Variants in ATG16L2 observed in about 807,000 individuals in gnomAD.
The protein encoded by ATG16L2 is autophagy related 16 like 2, also known as protein Atg16l2.
Under a neutral mutation model 84.7 loss-of-function variants are expected in ATG16L2, and 77 were observed. The observed-to-expected ratio is 0.91, with a 90% CI of 0.76 to 1.10. ATG16L2 has a LOEUF of 1.10. Among genes scored for constraint, ATG16L2 ranks in the 50% least tolerant of loss-of-function variants. The pLI is 0.00. For missense variants in ATG16L2, 782 were observed against 817.6 expected, an observed-to-expected ratio of 0.96 and a Z score of 0.53; for synonymous variants, 361 against 342.8, an observed-to-expected ratio of 1.05 and a Z score of -0.59.
chr11:72,829,833 G>A (rs1860566676), downstream of ATG16L2, among the ~76,000 whole-genome samples: 1 of 152,188 alleles, frequency 6.6e-6, no homozygotes, highest in South Asian at 2.1e-4. Context: ...GCAGCAAAGA[G>A]CCATGGATGT....
chr11:72,833,563 C>T (rs934523983), downstream of ATG16L2, among the ~76,000 whole-genome samples: 5 of 152,122 alleles, frequency 3.3e-5, no homozygotes, highest in Admixed American at 1.3e-4. Context: ...GAGTTCTATG[C>T]GCAGTGTAGA....
downstream of ATG16L2, among the ~76,000 whole-genome samples, chr11:72,833,932 A>AAT (rs1555036896): frequency 1.6e-4 from 23 of 146,870 alleles, no homozygotes; most frequent in Admixed American, 6.1e-4. Context: ...AAAAAAAAAA[A>AAT]TTTTTTTTTT....
At chr11:72,841,442 G>A (rs768771238) in intron 5 of ATG16L2, 4 of 1,610,090 alleles carry the variant, frequency 2.5e-6, no homozygotes, top group East Asian at 4.5e-5. Flanking sequence ...CCATGCCCAG[G>A]AGAACCCTTA....
At chr11:72,840,990 A>G (rs560782632) in intron 5 of ATG16L2, 3 of 1,544,574 alleles carry the variant, frequency 1.9e-6, no homozygotes, top group Admixed American at 1.7e-5. Context: ...AGCTCATTTT[A>G]CTTGAGTTGT....
chr11:72,835,402 C>CAGGAGAGGTGGTGGTG (rs71062791), intron 5 of ATG16L2, among the ~76,000 whole-genome samples: 20 of 151,430 alleles, frequency 1.3e-4, no homozygotes, highest in Admixed American at 9.9e-4. Flanking sequence ...TGAGAAAAGG[C>CAGGAGAGGTGGTGGTG]AGGAGAGGTG....
rs1338800912 is a variant in ATG16L2 at position 72,822,164 on chromosome 11, C to T, written c.513C>T (p.Arg171=). 4.0e-6 allele frequency: 6 copies of T among 1,490,146 alleles called. No individual in the cohort carries two copies. Among genetic ancestry groups the T allele is most frequent in the Non-Finnish European group, 5.3e-6 (6 of 1,130,838 alleles). 92.3% of individuals were successfully genotyped at this position (1,490,146 alleles called of 1,614,324 possible). ...AGCGGGCAGCCTACGAGGCGCTGCG[C>T]GCGCACGTCGGGCTCCGGGAGGCGG... is the stretch of plus-strand genomic sequence containing the variant. ...AVQRAAYEAL[R]AHVGLREAAL... The change falls in exon 5 of 18, where the codon CGC becomes CGT. Residue 171 remains arginine (R), a synonymous_variant. Transcript: ENST00000321297. The surrounding 1 kb of genome is among the most constrained non-coding windows in gnomAD (Gnocchi z 4.2).
intron 5 of ATG16L2, among the ~76,000 whole-genome samples, chr11:72,841,272 T>C (rs764674214): frequency 2.2e-5 from 3 of 137,338 alleles, no homozygotes; most frequent in Non-Finnish European, 4.5e-5. Context: ...AATTGGTTGC[T>C]ATGAGCCGTG....
chr11:72,823,307 G>A (rs745798505), intron 7 of ATG16L2: 2 of 326,824 alleles, frequency 6.1e-6, no homozygotes, highest in South Asian at 2.8e-5. Context: ...AGCCATAGGT[G>A]TGCAAGCATG....
At chr11:72,833,560 A>G (rs1860651620), downstream of ATG16L2, among the ~76,000 whole-genome samples, 1 of 152,140 alleles carries the variant, frequency 6.6e-6, no homozygotes, top group African/African-American at 2.4e-5. Flanking sequence ...AGTGAGTTCT[A>G]TGCGCAGTGT....
chr11:72,819,819 C>T (rs1216846927), intron 3 of ATG16L2, among the ~76,000 whole-genome samples: 6 of 151,958 alleles, frequency 3.9e-5, no homozygotes, highest in Admixed American at 2.0e-4. Flanking sequence ...CATCTCGGCT[C>T]GCTGCAACCT....
downstream of ATG16L2, among the ~76,000 whole-genome samples, chr11:72,832,544 C>T (rs1860628906): frequency 6.6e-6 from 1 of 152,172 alleles, no homozygotes; most frequent in Admixed American, 6.5e-5. Flanking sequence ...CTCTTCAGTC[C>T]CGTTCAGCAG....
In ATG16L2 at chr11:72,829,433, C is replaced by T. The variant is rs1860552406; in HGVS notation, c.*43C>T. The T allele has an allele frequency of 6.3e-7, 1 of 1,592,516 alleles. No homozygotes were observed. The highest frequency in any genetic ancestry group is 8.6e-7 in the Non-Finnish European group (1 of 1,167,644). On this transcript the variant is annotated 3_prime_UTR_variant, in exon 18 of 18. Transcript: ENST00000321297. ...CTGGGCTGGAGCTCTTGCCCGAAGC[C>T]TGAAGCTTCCTTCGGCGCCATGCAG...
At chr11:72,826,652 G>A (rs1457016870) in intron 12 of ATG16L2, 51 bp from the exon 13 acceptor site, 3 of 1,614,102 alleles carry the variant, frequency 1.9e-6, no homozygotes, top group Middle Eastern at 3.3e-4. Flanking sequence ...TAGGGGGCCT[G>A]TTATGGGGTC....
chr11:72,815,125 G>C (rs1329132736), intron 1 of ATG16L2, among the ~76,000 whole-genome samples: 1 of 152,260 alleles, frequency 6.6e-6, no homozygotes, highest in East Asian at 1.9e-4. Flanking sequence ...GCCCCGGGCT[G>C]CTGGTGGATG....
Position 72,841,641 on chromosome 11 carries a change from T to C in ATG16L2, c.*22-976T>C, listed in dbSNP as rs1443345124. On this transcript the variant is annotated intron_variant, in intron 5 of 5. Transcript: ENST00000534905. ...TCCCCTCCAGGAAGGAGAGCCTGGCTGCTTCTCTGACTGCTCTGTACTCAT... is the reference window on the plus strand; with the variant it reads ...TCCCCTCCAGGAAGGAGAGCCTGGCCGCTTCTCTGACTGCTCTGTACTCAT... 9 of 1,501,648 alleles carry C rather than the reference T, an allele frequency of 6.0e-6. No homozygotes were observed. In the Admixed American group the frequency reaches 1.2e-4, roughly 20 times the overall value. The allele number at this position is 1,501,648 out of a possible 1,614,324, so 93.0% of individuals were successfully genotyped here.
At chr11:72,816,575 C>T (rs1453305222) in intron 1 of ATG16L2, among the ~76,000 whole-genome samples, 153 bp from the exon 2 acceptor site, 2 of 152,232 alleles carry the variant, frequency 1.3e-5, no homozygotes, top group Non-Finnish European at 2.9e-5. Flanking sequence ...CACAGATGCC[C>T]CTCAGGCACA....
rs1457434595 is a variant in ATG16L2, at chr11:72,843,134, C to T, written c.*539C>T. 2.5e-6 allele frequency: 4 copies of T among 1,613,030 alleles called. No individual in the cohort carries two copies. In the African/African-American group the frequency reaches 5.3e-5, roughly 22 times the overall value. Reference sequence around the variant, plus strand: ...TCAAACGTGACCAAATAAAGAGTGCCTTGTTTCAGTCTTTACCACTGGCAT... The same window carrying T: ...TCAAACGTGACCAAATAAAGAGTGCTTTGTTTCAGTCTTTACCACTGGCAT... On this transcript the variant is annotated 3_prime_UTR_variant, in exon 6 of 6. Coordinates refer to the ATG16L2 transcript ENST00000534905.
rs780009142 is a variant in ATG16L2, at chr11:72,824,094, T to C, written c.859T>C (p.Cys287Arg). ...ASATSLTLSH[C>R]VDVVKGLLDF... Reference sequence around the variant, plus strand: ...AGCCACCTCCCTGACGCTGTCCCACTGTGTGGATGTGGTGAAGGGGCTTCT... The same window carrying C: ...AGCCACCTCCCTGACGCTGTCCCACCGTGTGGATGTGGTGAAGGGGCTTCT... The change falls in exon 8 of 18, where the codon TGT (cysteine) becomes CGT (arginine). Residue 287 changes from cysteine to arginine, a missense_variant. Coordinates refer to ENST00000321297, the MANE Select transcript of ATG16L2 (RefSeq NM_033388.2). 1.2e-6 allele frequency: 2 copies of C among 1,614,212 alleles called. No homozygotes were observed. Among genetic ancestry groups the C allele is most frequent in the Non-Finnish European group, 1.7e-6 (2 of 1,179,998 alleles).
chr11:72,835,065 G>A (rs1333500060), intron 5 of ATG16L2, among the ~76,000 whole-genome samples: 1 of 152,232 alleles, frequency 6.6e-6, no homozygotes, highest in Non-Finnish European at 1.5e-5. Context: ...CCTGTGGGTT[G>A]ATTGCATCAT....
Sources: allele counts gnomAD v4.1 joint callset (sites outside exome capture counted in the v4.1 genomes callset), GRCh38; gene constraint gnomAD v4.1.1; non-coding constraint Gnocchi (gnomAD v3.1); transcripts MANE v1.5; gene names NCBI Gene and HGNC (gene_info 2026-07-23, HGNC 2026-07-21).